ZER1: variants seen among roughly 807,000 people sequenced by gnomAD.
The protein encoded by ZER1 is protein zer-1 homolog.
Under a neutral mutation model 78.8 loss-of-function variants are expected in ZER1, and 11 were observed. The ratio of observed to expected loss-of-function variants is 0.14; its 90% CI spans 0.09 to 0.23. ZER1 has a LOEUF of 0.23. ZER1 is among the 10% of genes least tolerant of loss of function. ZER1 has a pLI of 1.00. For synonymous variants in ZER1, 400 were observed against 407.0 expected (o/e 0.98, Z 0.21); for missense variants, 588 against 996.9 (o/e 0.59, Z 5.52).
chr9:128,756,081 T>C (rs1370552668), intron 1 of ZER1, among the ~76,000 whole-genome samples: 1 of 152,174 alleles, frequency 6.6e-6, no homozygotes, highest in East Asian at 1.9e-4. Context: ...AGACATGATA[T>C]CACTGAATCT....
chr9:128,767,732 C>T (rs928132736), intron 1 of ZER1, among the ~76,000 whole-genome samples: 2 of 152,180 alleles, frequency 1.3e-5, no homozygotes, highest in South Asian at 2.1e-4. Context: ...TTCTGTTCCA[C>T]GAGCCTCCGC....
intron 9 of ZER1, among the ~76,000 whole-genome samples, chr9:128,742,231 A>G (rs1394612359): frequency 1.3e-5 from 2 of 152,068 alleles, no homozygotes; most frequent in African/African-American, 4.8e-5. Context: ...AGTGCTGGGG[A>G]CACAATGACG....
chr9:128,731,218 C>G lies in ZER1; in HGVS notation c.*119G>C. The G allele has an allele frequency of 2.7e-6, 2 of 737,888 alleles. No homozygotes were observed. Among genetic ancestry groups the G allele is most frequent in the Non-Finnish European group, 4.3e-6 (2 of 460,748 alleles). The allele number at this position is 737,888 out of a possible 1,614,324, so 45.7% of individuals were successfully genotyped here. On this transcript the variant is annotated 3_prime_UTR_variant, in exon 16 of 16. Transcript: ENST00000291900. ...AAAAGCGTCGGTTGTGCAAAAGTCC[C>G]CCATGTCTCTTCACTCCGTGGGAGG...
intron 13 of ZER1, among the ~76,000 whole-genome samples, chr9:128,738,480 G>C (rs989839424): frequency 6.8e-6 from 1 of 148,080 alleles, no homozygotes; most frequent in African/African-American, 2.5e-5. Context: ...CCGCCTCCCA[G>C]GTTCACACCA....
At position 128,740,726 on chromosome 9, in the gene ZER1, C is replaced by A; in HGVS notation, c.1853+46G>T. The stretch of plus-strand genomic sequence containing the variant: ...ACTGAGCAAACGCTAGAGCTCTGAG[C>A]ATTGTGGCAGCTAAGGCAAAAAGGG... On this transcript the variant is annotated intron_variant, in intron 12 of 15. Coordinates refer to ENST00000291900, the MANE Select transcript of ZER1 (RefSeq NM_006336.4). The surrounding 1 kb of genome is among the most constrained non-coding windows in gnomAD (Gnocchi z 4.4). 1 of 776,976 alleles carries A rather than the reference C, an allele frequency of 1.3e-6. No individual in the cohort carries two copies. Among genetic ancestry groups the A allele is most frequent in the Non-Finnish European group, 2.4e-6 (1 of 415,884 alleles). The allele number at this position is 776,976 out of a possible 1,614,324, so 48.1% of individuals were successfully genotyped here. A position where few individuals can be genotyped will look rare whatever the true frequency, so the allele number is the denominator to read the frequency against.
intron 8 of ZER1, among the ~76,000 whole-genome samples, chr9:128,746,522 G>A (rs1863497253): frequency 6.9e-6 from 1 of 145,208 alleles, no homozygotes; most frequent in Non-Finnish European, 1.5e-5. Flanking sequence ...TGCAGTGGTA[G>A]AATCTTAGTT....
chr9:128,750,788 A>T lies in ZER1; in HGVS notation c.1187T>A (p.Leu396Gln). Residue 396 changes from leucine (L) to glutamine (Q), a missense_variant and splice_region_variant, in exon 8 of 16, where the codon CTG (leucine) becomes CAG (glutamine). Transcript: ENST00000291900. Reference sequence around the variant, plus strand: ...GTGGCACTTGAGGGCCGTGATGACCAGCTGTATGAAGACAAGGGGGACCTG... The same window carrying T: ...GTGGCACTTGAGGGCCGTGATGACCTGCTGTATGAAGACAAGGGGGACCTG... Reference protein sequence around the residue: ...RCNQLLRALKLVITALKCHKY... With the variant: ...RCNQLLRALKQVITALKCHKY... 6.2e-7 allele frequency: 1 copy of T among 1,614,182 alleles called. No homozygotes were observed. The highest frequency in any genetic ancestry group is 8.5e-7 in the Non-Finnish European group (1 of 1,180,010).
chr9:128,767,665 C>T (rs752915501), intron 1 of ZER1, among the ~76,000 whole-genome samples: 12 of 152,142 alleles, frequency 7.9e-5, no homozygotes, highest in African/African-American at 1.7e-4. Flanking sequence ...CCCTAAAGTT[C>T]GAGCCCCTTG....
rs375537192 is a variant in ZER1, at chr9:128,753,373, G to A, written c.537C>T (p.Phe179=). The change falls in exon 4 of 16, where the codon TTC becomes TTT. Residue 179 remains phenylalanine (F), a synonymous_variant. Coordinates refer to ENST00000291900, the MANE Select transcript of ZER1 (RefSeq NM_006336.4). The surrounding 1 kb of genome is among the most constrained non-coding windows in gnomAD (Gnocchi z 7.5). ...AATCAATCATGCGGCCCAAGTTGAG[G>A]AAGCGGAGGCGGCTGAAGCCCTCGA... The part of the protein sequence containing the change: ...FTFEGFSRLR[F]LNLGRMIDWV... 2.7e-5 allele frequency: 44 copies of A among 1,613,860 alleles called. No homozygotes were observed. In the African/African-American group the frequency reaches 5.2e-4, roughly 19 times the overall value.
intron 14 of ZER1, among the ~76,000 whole-genome samples, chr9:128,733,905 G>A (rs1589512591): frequency 7.2e-6 from 1 of 139,594 alleles, no homozygotes; most frequent in Non-Finnish European, 1.5e-5. Flanking sequence ...CGAGACGGGC[G>A]GATCACGAGG....
intron 1 of ZER1, among the ~76,000 whole-genome samples, chr9:128,758,602 G>GT (rs1863938700): frequency 6.7e-6 from 1 of 150,196 alleles, no homozygotes; most frequent in Admixed American, 6.6e-5. Context: ...TGGTTTCTTT[G>GT]TTTTTTGTTT....
intron 11 of ZER1, 117 bp from the exon 12 acceptor site, chr9:128,741,004 C>CAT (rs1308978565): frequency 1.5e-6 from 1 of 665,246 alleles, no homozygotes; most frequent in African/African-American, 1.8e-5. Flanking sequence ...AAAGAGGGGG[C>CAT]ATATATGCTG....
In ZER1 at chr9:128,758,296, T is replaced by C. The variant is rs924727558; in HGVS notation, c.-94-2637A>G. ...CATCACGCCGGGCTAATTTTTGTATTTTTTTCTTTTAGTAGAGACAGGGTT... is the reference window on the plus strand; with the variant it reads ...CATCACGCCGGGCTAATTTTTGTATCTTTTTCTTTTAGTAGAGACAGGGTT... On this transcript the variant is annotated intron_variant, in intron 1 of 15. Coordinates refer to ENST00000291900, the MANE Select transcript of ZER1 (RefSeq NM_006336.4). 3.3e-5 allele frequency among the ~76,000 whole-genome samples: 5 copies of C among 151,982 alleles called. No homozygotes were observed. In the South Asian group the frequency reaches 8.3e-4, roughly 25 times the overall value.
intron 8 of ZER1, among the ~76,000 whole-genome samples, chr9:128,743,757 G>A (rs1589524541): frequency 1.3e-5 from 2 of 151,340 alleles, no homozygotes; most frequent in Non-Finnish European, 2.9e-5. Context: ...TTGAGACAGG[G>A]TCTCACTCTG....
At chr9:128,741,899 C>T (rs538339184) in intron 9 of ZER1, 58 bp from the exon 10 acceptor site, 101 of 1,611,714 alleles carry the variant, frequency 6.3e-5, no homozygotes, top group Non-Finnish European at 8.0e-5. Flanking sequence ...CCCACCCCCA[C>T]GAACCCAAGA....
chr9:128,742,842 T>A, intron 8 of ZER1, 97 bp from the exon 9 acceptor site: 1 of 1,306,624 alleles, frequency 7.7e-7, no homozygotes, highest in Non-Finnish European at 1.0e-6. Flanking sequence ...TCCAGAGTTG[T>A]GGCAGTCCAG....
intron 1 of ZER1, among the ~76,000 whole-genome samples, chr9:128,763,714 G>A (rs1477860180): frequency 6.6e-6 from 1 of 152,232 alleles, no homozygotes; most frequent in Non-Finnish European, 1.5e-5. Flanking sequence ...CAGGCCAGGT[G>A]CAGTGGCTCA....
rs751467770 is a variant in ZER1 at position 128,732,672 on chromosome 9, GC to G, written c.2243+753del. 3.1e-4 allele frequency among the ~76,000 whole-genome samples: 47 copies of G among 152,264 alleles called. No individual in the cohort carries two copies. The highest frequency in any genetic ancestry group is 5.7e-4 in the Non-Finnish European group (39 of 68,010). On this transcript the variant is annotated intron_variant, in intron 15 of 15. Transcript: ENST00000291900. This position sits in a 1 kb window ranked among gnomAD's most constrained non-coding sequence, Gnocchi z 4.8. ...TGAGCCACTTCGCCTGGCCAGTAGC[GC>G]CTTTGGCCAGATATAATAGCAGAAC...
chr9:128,740,145 G>A lies in ZER1; in HGVS notation c.1854-26C>T. The A allele has an allele frequency of 5.1e-6, 8 of 1,568,296 alleles. No homozygotes were observed. The highest frequency in any genetic ancestry group is 6.1e-6 in the Non-Finnish European group (7 of 1,149,906). On this transcript the variant is annotated intron_variant, in intron 12 of 15. Transcript: ENST00000291900. This position sits in a 1 kb window ranked among gnomAD's most constrained non-coding sequence, Gnocchi z 4.4. ...CTGCCAGGAGAAAGACAGAAAAATGGAGTCCCACTCCCCCAGTTTCTCTTC... is the reference window on the plus strand; with the variant it reads ...CTGCCAGGAGAAAGACAGAAAAATGAAGTCCCACTCCCCCAGTTTCTCTTC...
Sources: gnomAD v4.1 joint callset for allele counts (sites outside exome capture counted in the v4.1 genomes callset) on GRCh38, gnomAD v4.1.1 for gene constraint, Gnocchi (gnomAD v3.1) non-coding constraint, MANE v1.5 for transcripts, NCBI Gene and HGNC (gene_info 2026-07-23, HGNC 2026-07-21) for gene names.